The following OSBPL1A variants were observed in gnomAD, a reference collection of about 807,000 sequenced individuals.
The protein encoded by OSBPL1A is oxysterol binding protein like 1A, also known as oxysterol-binding protein-related protein 1.
OSBPL1A carries 80 observed loss-of-function variants against 137.1 expected under a neutral mutation model. The ratio of observed to expected loss-of-function variants is 0.58; its 90% confidence interval spans 0.49 to 0.70. The LOEUF (loss-of-function observed/expected upper bound fraction) is 0.70, where lower values mean the gene tolerates loss of function less well. Ranked by LOEUF, OSBPL1A falls within the 30% of genes least tolerant of loss-of-function variation. The pLI, the probability that OSBPL1A is intolerant of heterozygous loss-of-function variation, is 0.00. For missense variants in OSBPL1A, 970 were observed against 1,129.4 expected (o/e 0.86, Z 2.02); for synonymous variants, 365 against 389.7 (o/e 0.94, Z 0.75).
chr18:24,183,642 G>C (rs554588082), intron 18 of OSBPL1A, among the ~76,000 whole-genome samples: 155 of 151,860 alleles, frequency 1.0e-3, no homozygotes, highest in African/African-American at 3.5e-3. Flanking sequence ...CACCATGTTG[G>C]CCAGGCTGGT....
chr18:24,359,510 G>A (rs1028658056), intron 4 of OSBPL1A, among the ~76,000 whole-genome samples: 1 of 151,706 alleles, frequency 6.6e-6, no homozygotes, highest in Non-Finnish European at 1.5e-5. Flanking sequence ...TGGGCAACAC[G>A]GTGAAACCCT....
chr18:24,376,988 C>A (rs1204538751), intron 2 of OSBPL1A, among the ~76,000 whole-genome samples: 1 of 152,234 alleles, frequency 6.6e-6, no homozygotes, highest in East Asian at 1.9e-4. Context: ...TCCCTGCAAG[C>A]CGAGGGAGCC....
At chr18:24,237,282 G>C (rs1310146336) in intron 16 of OSBPL1A, among the ~76,000 whole-genome samples, 1 of 152,070 alleles carries the variant, frequency 6.6e-6, no homozygotes, top group East Asian at 1.9e-4. Context: ...ACAAACATGG[G>C]GTTCTTAAAT....
intron 14 of OSBPL1A, among the ~76,000 whole-genome samples, chr18:24,297,502 C>G (rs2090313978): frequency 6.6e-6 from 1 of 152,116 alleles, no homozygotes; most frequent in African/African-American, 2.4e-5. Context: ...AATTTGTGCT[C>G]TTTCCGACTT....
intron 15 of OSBPL1A, among the ~76,000 whole-genome samples, chr18:24,267,747 T>A (rs537027084): frequency 1.3e-4 from 19 of 151,938 alleles, no homozygotes; most frequent in Non-Finnish European, 2.4e-4. Flanking sequence ...ATAAAAAAAA[T>A]TTTCAACAAT....
At chr18:24,190,579 C>T (rs1460278098) in intron 18 of OSBPL1A, among the ~76,000 whole-genome samples, 1 of 152,184 alleles carries the variant, frequency 6.6e-6, no homozygotes, top group East Asian at 1.9e-4. Flanking sequence ...ATAGGGTCTT[C>T]AAGCCATTTC....
At position 24,181,205 on chromosome 18, in the gene OSBPL1A, C is replaced by T; in HGVS notation, c.1752G>A (p.Met584Ile). ...CCTTGTGGATGAGGTAAGTATGCTCCATGTATTCAGTTAGGCGCTGTAGGA... is the reference window on the plus strand; with the variant it reads ...CCTTGTGGATGAGGTAAGTATGCTCTATGTATTCAGTTAGGCGCTGTAGGA... ...LSFLQRLTEY[M>I]EHTYLIHKAS... Residue 584 changes from methionine (M) to isoleucine (I), a missense_variant, in exon 19 of 28, where the codon ATG (methionine) becomes ATA (isoleucine). Met to Ile is a conservative substitution (Grantham distance 10). Transcript: ENST00000319481. The T allele has an allele frequency of 6.2e-7, 1 of 1,614,090 alleles. No individual in the cohort carries two copies. Among genetic ancestry groups the T allele is most frequent in the Non-Finnish European group, 8.5e-7 (1 of 1,180,006 alleles).
chr18:24,204,800 T>C (rs1056579210), intron 17 of OSBPL1A, among the ~76,000 whole-genome samples: 1 of 152,128 alleles, frequency 6.6e-6, no homozygotes, highest in South Asian at 2.1e-4. Flanking sequence ...TCTCCAACAC[T>C]TCTCTTACTC....
At chr18:24,184,212 T>C (rs536174538) in intron 18 of OSBPL1A, among the ~76,000 whole-genome samples, 2 of 150,610 alleles carry the variant, frequency 1.3e-5, no homozygotes, top group African/African-American at 2.4e-5. Flanking sequence ...AATTAATTAA[T>C]TTATTTTTTT....
In OSBPL1A at chr18:24,377,481, G is replaced by T; in HGVS notation, c.53C>A (p.Ala18Asp). 4 of 1,612,166 alleles carry T rather than the reference G, an allele frequency of 2.5e-6. No individual in the cohort carries two copies. Among genetic ancestry groups the T allele is most frequent in the Non-Finnish European group, 3.4e-6 (4 of 1,179,594 alleles). The change falls in exon 2 of 28, where the codon GCT becomes GAT. Residue 18 changes from alanine to aspartate, a missense_variant. Physicochemically the swap from Ala to Asp is moderately radical, Grantham distance 126. This residue lies in a region of OSBPL1A where 647 missense variants were observed against 672.6 expected (regional missense o/e 0.96). Transcript: ENST00000319481. ...CTCTAATAGTTGTCTTACTTCTTCA[G>T]CATTGCCATTTCTGGCGTGATGGAG... ...QLLHHARNGN[A>D]EEVRQLLETM... is the part of the protein sequence containing the mutation.
intron 15 of OSBPL1A, among the ~76,000 whole-genome samples, chr18:24,241,636 G>C (rs1198672558): frequency 6.6e-6 from 1 of 152,216 alleles, no homozygotes; most frequent in Non-Finnish European, 1.5e-5. Context: ...ACAGATGCTA[G>C]AGAGGATGTG....
At chr18:24,220,527 C>G (rs527515161) in intron 17 of OSBPL1A, among the ~76,000 whole-genome samples, 41 of 152,316 alleles carry the variant, frequency 2.7e-4, no homozygotes, top group African/African-American at 9.9e-4. Context: ...CTCCAGCCCC[C>G]AGCCCTCACC....
chr18:24,385,096 A>G (rs1325725447), intron 1 of OSBPL1A, among the ~76,000 whole-genome samples: 1 of 151,590 alleles, frequency 6.6e-6, no homozygotes, highest in African/African-American at 2.4e-5. Flanking sequence ...CTGGGACTAC[A>G]GGCGCCCGCC....
chr18:24,254,357 A>C (rs2089203995), intron 15 of OSBPL1A, among the ~76,000 whole-genome samples: 1 of 152,198 alleles, frequency 6.6e-6, no homozygotes, highest in African/African-American at 2.4e-5. Flanking sequence ...GACCTAATAG[A>C]TATTTACCAA....
At chr18:24,277,541 T>C (rs777370572) in intron 15 of OSBPL1A, among the ~76,000 whole-genome samples, 12 of 152,164 alleles carry the variant, frequency 7.9e-5, no homozygotes, top group Non-Finnish European at 1.8e-4. Flanking sequence ...AAATAGGAGA[T>C]TGTATTTTAA....
At chr18:24,196,697 T>A (rs2087043578) in intron 17 of OSBPL1A, among the ~76,000 whole-genome samples, 1 of 152,164 alleles carries the variant, frequency 6.6e-6, no homozygotes, top group Non-Finnish European at 1.5e-5. Context: ...TTTTAAAAAG[T>A]AAAAGCCAAA....
chr18:24,202,453 TC>T (rs1481448475), intron 17 of OSBPL1A, among the ~76,000 whole-genome samples: 2 of 152,350 alleles, frequency 1.3e-5, no homozygotes, highest in East Asian at 3.9e-4. Context: ...TAAATTATCT[TC>T]TCACTACGTA....
intron 6 of OSBPL1A, 83 bp downstream of exon 6, chr18:24,334,162 T>C (rs2091130699): frequency 1.8e-6 from 2 of 1,115,642 alleles, no homozygotes; most frequent in African/African-American, 1.6e-5. Flanking sequence ...AACTAAATTA[T>C]TTACTTAACA....
At chr18:24,356,326 G>A (rs1047859294) in intron 4 of OSBPL1A, among the ~76,000 whole-genome samples, 1 of 152,100 alleles carries the variant, frequency 6.6e-6, no homozygotes, top group African/African-American at 2.4e-5. Flanking sequence ...GAATTCCCCC[G>A]ACCATTCCCA....
Sources: gnomAD v4.1 joint callset for allele counts (sites outside exome capture counted in the v4.1 genomes callset) on GRCh38, gnomAD v4.1.1 for gene constraint, gnomAD v4.1.1 regional missense constraint, MANE v1.5 for transcripts, NCBI Gene and HGNC (gene_info 2026-07-23, HGNC 2026-07-21) for gene names.